The following SCHIP1 variants were observed in gnomAD, a reference collection of about 807,000 sequenced individuals.
The protein encoded by SCHIP1 is schwannomin interacting protein 1.
A neutral mutation model predicts 29.7 loss-of-function variants in SCHIP1; 8 were observed. That is an observed-to-expected ratio of 0.27 (90% CI 0.16 to 0.49). SCHIP1 has a LOEUF of 0.49. Among genes scored for constraint, SCHIP1 ranks in the 20% least tolerant of loss-of-function variants. The pLI, the probability that SCHIP1 is intolerant of heterozygous loss-of-function variation, is 0.99. For synonymous variants in SCHIP1, 76 were observed against 94.9 expected (o/e 0.80, Z 1.16); for missense variants, 193 against 294.6 (o/e 0.66, Z 2.52).
At chr3:159,755,553 A>G in the SCHIP1 span, among the ~76,000 whole-genome samples, 1 of 152,168 alleles carries the variant, frequency 6.6e-6, no homozygotes, top group African/African-American at 2.4e-5. Flanking sequence ...ACCAAACAAT[A>G]TCATTCTGCC....
chr3:159,513,500 A>G, the SCHIP1 span, among the ~76,000 whole-genome samples: 1 of 152,118 alleles, frequency 6.6e-6, no homozygotes, highest in Non-Finnish European at 1.5e-5. Flanking sequence ...TATTTTAAGG[A>G]GACAAAGCTG....
the SCHIP1 span, among the ~76,000 whole-genome samples, chr3:159,336,900 G>A: frequency 6.6e-6 from 1 of 152,114 alleles, no homozygotes; most frequent in Non-Finnish European, 1.5e-5. Flanking sequence ...GTAGCTTGAT[G>A]GGGATGGCAT....
chr3:159,580,727 CT>C, the SCHIP1 span, among the ~76,000 whole-genome samples: 1 of 152,152 alleles, frequency 6.6e-6, no homozygotes, highest in Non-Finnish European at 1.5e-5. Context: ...ATTTGGCCCC[CT>C]TTTCAAAGAA....
chr3:159,391,913 G>A, the SCHIP1 span, among the ~76,000 whole-genome samples: 2 of 152,176 alleles, frequency 1.3e-5, no homozygotes, highest in East Asian at 1.9e-4. Context: ...CCTTCCAGCT[G>A]TAAATCCAAT....
chr3:159,813,680 G>C, the SCHIP1 span, among the ~76,000 whole-genome samples: 1 of 149,548 alleles, frequency 6.7e-6, no homozygotes, highest in South Asian at 2.1e-4. Flanking sequence ...AGAGTGAGAC[G>C]CTATCTCAAA....
At chr3:159,464,111 AC>A in the SCHIP1 span, among the ~76,000 whole-genome samples, 3 of 152,316 alleles carry the variant, frequency 2.0e-5, no homozygotes, top group South Asian at 2.1e-4. Context: ...GGTCAAAAAA[AC>A]ATAGGCCTTT....
the SCHIP1 span, among the ~76,000 whole-genome samples, chr3:159,802,693 C>T: frequency 2.0e-5 from 3 of 151,964 alleles, no homozygotes; most frequent in East Asian, 5.8e-4. Context: ...AGTGGCTTGT[C>T]GTGATGATGA....
chr3:159,858,917 A>G (rs1041166414), intron 1 of SCHIP1, among the ~76,000 whole-genome samples: 3 of 152,228 alleles, frequency 2.0e-5, no homozygotes, highest in Non-Finnish European at 4.4e-5. Flanking sequence ...AGAAATTTCA[A>G]CAGCATTTCG....
chr3:159,365,042 G>T, the SCHIP1 span, among the ~76,000 whole-genome samples: 1 of 152,094 alleles, frequency 6.6e-6, no homozygotes, highest in Non-Finnish European at 1.5e-5. Flanking sequence ...CTTAAATCTG[G>T]TATTTTATTT....
At chr3:159,624,172 A>G in the SCHIP1 span, among the ~76,000 whole-genome samples, 1 of 152,226 alleles carries the variant, frequency 6.6e-6, no homozygotes. Context: ...GATATGCATT[A>G]TCACATTTGA....
the SCHIP1 span, among the ~76,000 whole-genome samples, chr3:159,482,765 C>T: frequency 6.6e-6 from 1 of 151,986 alleles, no homozygotes; most frequent in Non-Finnish European, 1.5e-5. Context: ...CAACAGAAAC[C>T]ACATGGTCCC....
the SCHIP1 span, among the ~76,000 whole-genome samples, chr3:159,805,637 TGGGGC>T: frequency 1.3e-5 from 2 of 152,030 alleles, no homozygotes. Context: ...TTTTTGAGGG[TGGGGC>T]CTAAGTGCAA....
At chr3:159,359,975 T>G in the SCHIP1 span, among the ~76,000 whole-genome samples, 1 of 152,216 alleles carries the variant, frequency 6.6e-6, no homozygotes, top group South Asian at 2.1e-4. Context: ...GTTTGTTAGC[T>G]GACAGCACAA....
At chr3:159,823,607 C>A in the SCHIP1 span, among the ~76,000 whole-genome samples, 4 of 152,284 alleles carry the variant, frequency 2.6e-5, no homozygotes, top group East Asian at 7.7e-4. Context: ...AATTTCCCCT[C>A]CTATGAAGGG....
At chr3:159,284,249 TATC>T in the SCHIP1 span, among the ~76,000 whole-genome samples, 1 of 152,182 alleles carries the variant, frequency 6.6e-6, no homozygotes, top group East Asian at 1.9e-4. Flanking sequence ...TTTTCTACAA[TATC>T]ATAAGTAAAT....
At chr3:159,765,497 C>T in the SCHIP1 span, 1 of 227,464 alleles carries the variant, frequency 4.4e-6, no homozygotes, top group Non-Finnish European at 8.5e-6. Context: ...TCAGTGCCTG[C>T]GGGGGATATT....
At chr3:159,277,263 T>C in the SCHIP1 span, among the ~76,000 whole-genome samples, 1 of 152,202 alleles carries the variant, frequency 6.6e-6, no homozygotes, top group Non-Finnish European at 1.5e-5. Context: ...TGATTACCCA[T>C]GATATAGTAA....
chr3:159,366,011 T>G, the SCHIP1 span, among the ~76,000 whole-genome samples: 1 of 143,964 alleles, frequency 6.9e-6, no homozygotes, highest in African/African-American at 2.5e-5. Flanking sequence ...AAGACAGGGT[T>G]GTTGTTTATA....
At chr3:159,656,778 G>A in the SCHIP1 span, among the ~76,000 whole-genome samples, 192 of 152,222 alleles carry the variant, frequency 1.3e-3, no homozygotes, top group African/African-American at 4.2e-3. Flanking sequence ...TTATATATAA[G>A]GTACTTTCTC....
Sources: allele counts gnomAD v4.1 joint callset (sites outside exome capture counted in the v4.1 genomes callset), GRCh38; gene constraint gnomAD v4.1.1; transcripts MANE v1.5; gene names NCBI Gene and HGNC (gene_info 2026-07-23, HGNC 2026-07-21).